The following CCDC158 variants were observed in gnomAD, a reference collection of about 807,000 sequenced individuals.
CCDC158 encodes coiled-coil domain-containing protein 158.
A neutral mutation model predicts 138.6 loss-of-function variants in CCDC158; 116 were observed. The ratio of observed to expected loss-of-function variants is 0.84; its 90% confidence interval spans 0.72 to 0.98. CCDC158 has a LOEUF of 0.98. Ranked by LOEUF, CCDC158 falls within the 50% of genes least tolerant of loss-of-function variation. CCDC158 has a pLI of 0.00. For synonymous variants in CCDC158, 436 were observed against 442.4 expected (o/e 0.99, Z 0.18); for missense variants, 1,265 against 1,306.1 (o/e 0.97, Z 0.48).
intron 18 of CCDC158, 84 bp downstream of exon 18, chr4:76,350,912 T>C (rs1722977163): frequency 3.0e-6 from 4 of 1,349,286 alleles, no homozygotes; most frequent in South Asian, 2.8e-5. Flanking sequence ...TATAGAGATA[T>C]TATTTTTTAA....
chr4:76,338,066 C>T (rs939325647), intron 18 of CCDC158, among the ~76,000 whole-genome samples: 3 of 152,194 alleles, frequency 2.0e-5, no homozygotes, highest in African/African-American at 7.2e-5. Flanking sequence ...TCAGGGGTGG[C>T]ATTAGATTCT....
At chr4:76,317,880 G>C (rs577241368) in intron 24 of CCDC158, among the ~76,000 whole-genome samples, 6 of 152,180 alleles carry the variant, frequency 3.9e-5, no homozygotes, top group African/African-American at 1.4e-4. Flanking sequence ...TAAATACATG[G>C]AAATTGAATA....
chr4:76,342,915 C>T (rs1325337647), intron 18 of CCDC158, among the ~76,000 whole-genome samples: 1 of 152,094 alleles, frequency 6.6e-6, no homozygotes, highest in African/African-American at 2.4e-5. Flanking sequence ...AACAGGGCAG[C>T]AAAATTGGAG....
Position 76,362,399 on chromosome 4 carries a change from C to T in CCDC158, c.1831-84G>A, listed in dbSNP as rs1724238103. On this transcript the variant is annotated intron_variant, in intron 12 of 24. Coordinates refer to ENST00000682701, the MANE Select transcript of CCDC158 (RefSeq NM_001394954.1). ...ATAATTGATAGCTGCTAACACAGTC[C>T]TAAAATCTGACAACAGTCTCCTACT... 9 of 949,148 alleles carry T rather than the reference C, an allele frequency of 9.5e-6. No individual in the cohort carries two copies. In the South Asian group the frequency reaches 9.7e-5, roughly 10 times the overall value. 58.8% of individuals were successfully genotyped at this position (949,148 alleles called of 1,614,324 possible).
rs1416482094 is a variant in CCDC158, at chr4:76,336,549, C to T, written c.2665-2382G>A. Among the ~76,000 whole-genome samples the T allele has an allele frequency of 2.0e-5, 3 of 152,264 alleles. No individual in the cohort carries two copies. The East Asian group carries it at 5.8e-4, about 29-fold the overall frequency. On this transcript the variant is annotated intron_variant, in intron 18 of 24. Coordinates refer to ENST00000682701, the MANE Select transcript of CCDC158 (RefSeq NM_001394954.1). ...TGCTTATCTGGCCTTTGCTTGATCACCAAAGATCAAGGAAGGCAGTTTAAT... is the reference window on the plus strand; with the variant it reads ...TGCTTATCTGGCCTTTGCTTGATCATCAAAGATCAAGGAAGGCAGTTTAAT...
At chr4:76,340,231 C>G (rs533525163) in intron 18 of CCDC158, among the ~76,000 whole-genome samples, 2 of 152,196 alleles carry the variant, frequency 1.3e-5, no homozygotes, top group African/African-American at 4.8e-5. Flanking sequence ...TCAAAATTAT[C>G]AGAGATTTTG....
upstream of CCDC158, chr4:76,421,860 A>G (rs1473078): frequency 0.87 from 132,665 of 152,230 alleles, 57,943 homozygotes; most frequent in South Asian, 0.97. Context: ...ACCCTCTGTC[A>G]TTATCTCTAA....
At chr4:76,383,572 A>T (rs1456536073) in intron 7 of CCDC158, 90 bp downstream of exon 7, 1 of 863,790 alleles carries the variant, frequency 1.2e-6, no homozygotes, top group African/African-American at 1.7e-5. Flanking sequence ...TGTGTTTCAG[A>T]GCTGTTTAGA....
chr4:76,341,135 A>G (rs937346817), intron 18 of CCDC158, among the ~76,000 whole-genome samples: 11 of 152,292 alleles, frequency 7.2e-5, no homozygotes, highest in African/African-American at 2.6e-4. Flanking sequence ...CATAAATTAT[A>G]TCTTTAATGT....
intron 14 of CCDC158, 137 bp from the exon 15 acceptor site, chr4:76,355,573 T>C (rs1031781843): frequency 1.1e-5 from 7 of 661,156 alleles, no homozygotes; most frequent in South Asian, 5.3e-5. Context: ...GAAAAGATCA[T>C]GGACGAATGT....
intron 24 of CCDC158, among the ~76,000 whole-genome samples, chr4:76,313,588 C>G (rs2110049281): frequency 6.6e-6 from 1 of 152,104 alleles, no homozygotes; most frequent in East Asian, 1.9e-4. Flanking sequence ...CTGTGCCCAG[C>G]CTCAGTTGTT....
chr4:76,379,204 C>T, intron 9 of CCDC158, 86 bp downstream of exon 9: 1 of 650,248 alleles, frequency 1.5e-6, no homozygotes, highest in Non-Finnish European at 2.4e-6. Context: ...ACTTTGATTC[C>T]TTATTTTCAA....
chr4:76,341,388 T>C (rs774656048), intron 18 of CCDC158, among the ~76,000 whole-genome samples: 2 of 152,246 alleles, frequency 1.3e-5, no homozygotes, highest in Non-Finnish European at 2.9e-5. Context: ...TCATCTCTTA[T>C]ATTTTAGAAC....
chr4:76,401,797 C>T lies in CCDC158; in HGVS notation c.70+1341G>A, dbSNP rs147815050. Among the ~76,000 whole-genome samples the T allele has an allele frequency of 4.1e-3, 623 of 152,084 alleles. 6 individuals are homozygous for T. Among genetic ancestry groups the T allele is most frequent in the African/African-American group, 0.014 (595 of 41,482 alleles). On this transcript the variant is annotated intron_variant, in intron 3 of 24. Transcript: ENST00000682701. ...CTATGAGGACAGTATTACAGGATGA[C>T]GATGCACCTAAGCAGGGAGGGACAA... is the stretch of plus-strand genomic sequence containing the variant.
chr4:76,394,580 C>G (rs954874216), intron 4 of CCDC158, among the ~76,000 whole-genome samples: 1 of 151,808 alleles, frequency 6.6e-6, no homozygotes, highest in Non-Finnish European at 1.5e-5. Context: ...AACAGGGTGA[C>G]TATAGTCAAT....
rs371546006 is a variant in CCDC158 at position 76,384,305 on chromosome 4, G to A, written c.509C>T (p.Thr170Ile). The change falls in exon 6 of 25, where the codon ACA (threonine) becomes ATA (isoleucine). Residue 170 changes from threonine (T) to isoleucine (I), a missense_variant. By Grantham distance (89) the Thr-to-Ile change is moderately conservative. Coordinates refer to ENST00000682701, the MANE Select transcript of CCDC158 (RefSeq NM_001394954.1). ...CATTTTTCGTAGTTGCTCTATCTGT[G>A]TGTTGCTGTCTTTCAGCATGTCCTC... is the stretch of plus-strand genomic sequence containing the variant. ...LKEDMLKDSN[T>I]QIEQLRKMML... is the part of the protein sequence containing the mutation. 108 of 1,614,094 alleles carry A rather than the reference G, an allele frequency of 6.7e-5. No homozygotes were observed. In the African/African-American group the frequency reaches 1.3e-3, roughly 20 times the overall value.
chr4:76,360,287 G>C (rs1724006323), intron 13 of CCDC158, among the ~76,000 whole-genome samples: 1 of 152,226 alleles, frequency 6.6e-6, no homozygotes, highest in Non-Finnish European at 1.5e-5. Context: ...AGCCCTCATG[G>C]AGAACCTCTA....
intron 21 of CCDC158, 71 bp downstream of exon 21, chr4:76,331,273 A>C: frequency 7.6e-6 from 10 of 1,311,692 alleles, no homozygotes; most frequent in African/African-American, 1.4e-5. Context: ...ACAGACAGTT[A>C]AAGATCTTTT....
At chr4:76,354,762 G>A (rs1723381987) in intron 15 of CCDC158, among the ~76,000 whole-genome samples, 1 of 152,144 alleles carries the variant, frequency 6.6e-6, no homozygotes, top group South Asian at 2.1e-4. Context: ...CACATCCGGT[G>A]TTACAGGAAA....
Sources: gnomAD v4.1 joint callset for allele counts (sites outside exome capture counted in the v4.1 genomes callset) on GRCh38, gnomAD v4.1.1 for gene constraint, MANE v1.5 for transcripts, NCBI Gene and HGNC (gene_info 2026-07-23, HGNC 2026-07-21) for gene names.